The following TIAM2 variants were observed in gnomAD, a reference collection of about 807,000 sequenced individuals.
The protein encoded by TIAM2 is TIAM Rac1 associated GEF 2, also known as rho guanine nucleotide exchange factor TIAM2.
TIAM2 carries 80 observed loss-of-function variants against 152.9 expected under a neutral mutation model. The ratio of observed to expected loss-of-function variants is 0.52; its 90% confidence interval spans 0.44 to 0.63. The LOEUF is 0.63. TIAM2 is among the 30% of genes least tolerant of loss of function. The probability of loss-of-function intolerance (pLI) is 0.00; values close to 1 mark genes in which losing one functional copy is unlikely to be tolerated. For synonymous variants in TIAM2, 804 were observed against 838.0 expected (o/e 0.96, Z 0.70); for missense variants, 1,965 against 2,120.1 (o/e 0.93, Z 1.44).
At chr6:155,216,859 A>T in intron 15 of TIAM2, 1 of 1,137,018 alleles carries the variant, frequency 8.8e-7, no homozygotes, top group South Asian at 1.7e-5. Context: ...GAAACAGAGC[A>T]GGGGGCCAGC....
chr6:155,216,559 T>C (rs1303545855), intron 15 of TIAM2: 2 of 153,162 alleles, frequency 1.3e-5, no homozygotes, highest in East Asian at 3.8e-4. Flanking sequence ...GCCTCTCCTG[T>C]AGGGGGGGAT....
At chr6:155,015,971 A>T (rs1439300793) in intron 1 of TIAM2, among the ~76,000 whole-genome samples, 3 of 150,728 alleles carry the variant, frequency 2.0e-5, no homozygotes, top group Admixed American at 1.3e-4. Context: ...AAAAAAAAAA[A>T]AACTCCAAAC....
intron 14 of TIAM2, among the ~76,000 whole-genome samples, chr6:155,201,650 CGTT>C (rs1269264855): frequency 6.6e-6 from 1 of 152,170 alleles, no homozygotes; most frequent in Non-Finnish European, 1.5e-5. Context: ...CGCTCTTTTT[CGTT>C]GTTCTAAGAA....
At chr6:155,143,876 GA>G (rs150491864) in intron 5 of TIAM2, among the ~76,000 whole-genome samples, 22 of 146,832 alleles carry the variant, frequency 1.5e-4, no homozygotes, top group Non-Finnish European at 3.0e-5. Flanking sequence ...ATGCCAGAAG[GA>G]AAAAAAAAAC....
rs181558532 is a variant in TIAM2 at position 155,122,640 on chromosome 6, A to G, written c.-117-4850A>G. On this transcript the variant is annotated intron_variant, in intron 2 of 26. Coordinates refer to ENST00000682666, the MANE Select transcript of TIAM2 (RefSeq NM_012454.4). ...TATAAAAAAGTTTGTACACAGCATAAAATGTTTGCTAACTATACACATTCT... is the reference window on the plus strand; with the variant it reads ...TATAAAAAAGTTTGTACACAGCATAGAATGTTTGCTAACTATACACATTCT... Among the ~76,000 whole-genome samples, 37 of 152,248 alleles carry G rather than the reference A, an allele frequency of 2.4e-4. 1 individual carries two copies. The highest frequency in any genetic ancestry group is 1.2e-3 in the Admixed American group (19 of 15,304).
Position 155,047,698 on chromosome 6 carries a change from A to AGAGAG in TIAM2, c.-208-42590_-208-42586dup, listed in dbSNP as rs1562300169. On this transcript the variant is annotated intron_variant, in intron 1 of 26. Coordinates refer to ENST00000682666, the MANE Select transcript of TIAM2 (RefSeq NM_012454.4). ...AGAGAGAGAGAGAGAGGAGAGAGAG[A>AGAGAG]GAGAGAGCGAGAGAGAGAGAGAGAG... Among the ~76,000 whole-genome samples, 35 of 41,622 alleles carry AGAGAG rather than the reference A, an allele frequency of 8.4e-4. 1 individual carries two copies. The highest frequency in any genetic ancestry group is 3.8e-3 in the African/African-American group (32 of 8,446). 27.3% of individuals were successfully genotyped at this position (41,622 alleles called of 152,430 possible).
rs1430701964 is a variant in TIAM2, at chr6:155,142,280, C to G, written c.1631-2326C>G. Among the ~76,000 whole-genome samples the G allele has an allele frequency of 2.6e-5, 4 of 151,604 alleles. No individual in the cohort carries two copies. The East Asian group carries it at 7.8e-4, about 30-fold the overall frequency. ...AAATTTGATAGCCACAAAATTCTGC[C>G]TATTGTTTTACTTCCTGGCCTGGCT... On this transcript the variant is annotated intron_variant, in intron 5 of 26. Coordinates refer to ENST00000682666, the MANE Select transcript of TIAM2 (RefSeq NM_012454.4).
chr6:155,042,818 T>C (rs1463911778), intron 1 of TIAM2, among the ~76,000 whole-genome samples: 1 of 152,160 alleles, frequency 6.6e-6, no homozygotes, highest in East Asian at 1.9e-4. Context: ...ATACAACACA[T>C]TGTTAGTAAC....
intron 9 of TIAM2, among the ~76,000 whole-genome samples, chr6:155,171,354 G>A (rs1780583058): frequency 6.6e-6 from 1 of 152,182 alleles, no homozygotes; most frequent in African/African-American, 2.4e-5. Flanking sequence ...GCCTTTGAAG[G>A]GAGGTGTTTG....
At position 155,257,075 on chromosome 6, in the gene TIAM2, T is replaced by A. The variant is rs1784099023; in HGVS notation, c.5060T>A (p.Val1687Asp). The A allele has an allele frequency of 6.2e-7, 1 of 1,613,876 alleles. No homozygotes were observed. The highest frequency in any genetic ancestry group is 1.7e-5 in the Admixed American group (1 of 59,964). ...AGTGTCCAGAGTTTAACATCTGTTG[T>A]CAGTGAGGAGTGTTTTTATGAAACA... ...EFSVQSLTSV[V>D]SEECFYETES... The change falls in exon 27 of 27, where the codon GTC (valine) becomes GAC (aspartate). Residue 1687 changes from valine (V) to aspartate (D), a missense_variant. By Grantham distance (152) the Val-to-Asp change is radical (BLOSUM62 -3). Around this residue, in one of 3 missense-constraint regions of TIAM2, gnomAD observed 935 missense variants for 980.0 expected, o/e 0.95. Coordinates refer to ENST00000682666, the MANE Select transcript of TIAM2 (RefSeq NM_012454.4).
At chr6:155,216,752 C>T in intron 15 of TIAM2, 1 of 286,226 alleles carries the variant, frequency 3.5e-6, no homozygotes, top group Non-Finnish European at 6.0e-6. Context: ...TGAGCTGGCT[C>T]TGAGGCTCAG....
intron 4 of TIAM2, among the ~76,000 whole-genome samples, chr6:155,131,430 T>TA (rs1779442762): frequency 6.6e-6 from 1 of 152,132 alleles, no homozygotes; most frequent in African/African-American, 2.4e-5. Context: ...ACCTCATTCT[T>TA]ACAGTCCAAA....
rs189202853 is a variant in TIAM2, at chr6:155,207,038, T to C, written c.3065-4166T>C. ...AAAACATGTTGCACTGTATATGTCC[T>C]GATGAGGCTCTTCCAGGTGGGAAGC... On this transcript the variant is annotated intron_variant, in intron 14 of 26. Transcript: ENST00000682666. Among the ~76,000 whole-genome samples, 39 of 152,300 alleles carry C rather than the reference T, an allele frequency of 2.6e-4. 1 individual carries two copies. In the Middle Eastern group the frequency reaches 0.017, roughly 66 times the overall value.
At chr6:155,140,303 T>A (rs765014804) in intron 5 of TIAM2, among the ~76,000 whole-genome samples, 26 of 152,236 alleles carry the variant, frequency 1.7e-4, no homozygotes, top group Non-Finnish European at 3.2e-4. Context: ...ACATGTTCCC[T>A]TAAGGGGTAA....
At chr6:155,177,062 A>T in intron 10 of TIAM2, 85 bp downstream of exon 10, 1 of 1,380,544 alleles carries the variant, frequency 7.2e-7, no homozygotes, top group Non-Finnish European at 9.8e-7. Flanking sequence ...TTCATGTGAT[A>T]TTCAAGGGCC....
In TIAM2 at chr6:155,129,786, C is replaced by T; in HGVS notation, c.563C>T (p.Ala188Val). Reference protein sequence around the residue: ...HNGGNPSKVPAEDCSEPVQLL... With the variant: ...HNGGNPSKVPVEDCSEPVQLL... ...GGTGGCAACCCCAGCAAAGTGCCTG[C>T]AGAGGACTGCAGTGAGCCGGTGCAG... The change falls in exon 4 of 27, where the codon GCA becomes GTA. Residue 188 changes from alanine to valine, a missense_variant. Physicochemically the swap from Ala to Val is moderately conservative, Grantham distance 64. Around this residue, in one of 3 missense-constraint regions of TIAM2, gnomAD observed 1,025 missense variants for 1,119.4 expected, o/e 0.92. Coordinates refer to ENST00000682666, the MANE Select transcript of TIAM2 (RefSeq NM_012454.4). This position sits in a 1 kb window ranked among gnomAD's most constrained non-coding sequence, Gnocchi z 4.8. 2 of 1,613,814 alleles carry T rather than the reference C, an allele frequency of 1.2e-6. No individual in the cohort carries two copies. The highest frequency in any genetic ancestry group is 1.3e-5 in the African/African-American group (1 of 75,054).
intron 5 of TIAM2, among the ~76,000 whole-genome samples, chr6:155,140,569 T>A (rs1305456385): frequency 8.8e-6 from 1 of 113,370 alleles, no homozygotes; most frequent in Non-Finnish European, 1.7e-5. Context: ...TGTGTGTGTG[T>A]GTGTGAGAGA....
intron 2 of TIAM2, among the ~76,000 whole-genome samples, chr6:155,113,917 G>A (rs1174091897): frequency 6.7e-6 from 1 of 149,102 alleles, no homozygotes; most frequent in East Asian, 2.0e-4. Context: ...ATCCTCCCTG[G>A]GAAGCCTGAT....
Position 155,257,206 on chromosome 6 carries a change from A to C in TIAM2, c.*85A>C, listed in dbSNP as rs1043631277. Reference sequence around the variant, plus strand: ...TGGAAATTGCAAAAAAAAAAAAAAAAAAAAACTGTTCATTCCTGGGTTTTG... The same window carrying C: ...TGGAAATTGCAAAAAAAAAAAAAAACAAAAACTGTTCATTCCTGGGTTTTG... On this transcript the variant is annotated 3_prime_UTR_variant, in exon 27 of 27. Transcript: ENST00000682666. 1.3e-4 allele frequency: 184 copies of C among 1,404,956 alleles called. 3 individuals carry two copies. In the East Asian group the frequency reaches 3.9e-3, roughly 30 times the overall value. The allele number at this position is 1,404,956 out of a possible 1,614,324, so 87.0% of individuals were successfully genotyped here.
Sources: gnomAD v4.1 joint callset for allele counts (sites outside exome capture counted in the v4.1 genomes callset) on GRCh38, gnomAD v4.1.1 for gene constraint, gnomAD v4.1.1 regional missense constraint, Gnocchi (gnomAD v3.1) non-coding constraint, MANE v1.5 for transcripts, NCBI Gene and HGNC (gene_info 2026-07-23, HGNC 2026-07-21) for gene names.